KLF12: variants seen among roughly 807,000 people sequenced by gnomAD.
KLF12 encodes KLF transcription factor 12.
In KLF12, 9 loss-of-function variants were observed where a neutral mutation model predicts 37.8. That is an observed-to-expected ratio of 0.24 (90% CI 0.14 to 0.42). The LOEUF (loss-of-function observed/expected upper bound fraction) is 0.42. Among genes scored for constraint, KLF12 ranks in the 10% least tolerant of loss-of-function variants. KLF12 has a pLI of 1.00. For synonymous variants in KLF12, 208 were observed against 202.1 expected (o/e 1.03, Z -0.25); for missense variants, 411 against 516.0 (o/e 0.80, Z 1.97).
chr13:73,748,002 T>C (rs1878488126), intron 6 of KLF12, among the ~76,000 whole-genome samples: 1 of 152,192 alleles, frequency 6.6e-6, no homozygotes, highest in Non-Finnish European at 1.5e-5. Flanking sequence ...TCTAACAAAG[T>C]ACAATGTCCA....
At chr13:74,170,895 G>C in the KLF12 span, among the ~76,000 whole-genome samples, 1 of 152,094 alleles carries the variant, frequency 6.6e-6, no homozygotes, top group Non-Finnish European at 1.5e-5. Flanking sequence ...CTCCCAAATA[G>C]CTGGGATTGC....
the KLF12 span, among the ~76,000 whole-genome samples, chr13:74,201,520 A>G: frequency 1.3e-5 from 2 of 152,176 alleles, no homozygotes; most frequent in African/African-American, 4.8e-5. Flanking sequence ...GCTCTTCCCC[A>G]GGACTCCTGA....
At chr13:74,119,060 C>A (rs1462790191) in intron 1 of KLF12, among the ~76,000 whole-genome samples, 1 of 152,136 alleles carries the variant, frequency 6.6e-6, no homozygotes, top group Non-Finnish European at 1.5e-5. Context: ...GGGCAGGGCA[C>A]AATGGCTCAT....
At chr13:73,823,143 T>C (rs983020772) in intron 4 of KLF12, among the ~76,000 whole-genome samples, 1 of 151,990 alleles carries the variant, frequency 6.6e-6, no homozygotes, top group Non-Finnish European at 1.5e-5. Context: ...CTGTTGCCCC[T>C]ATCTGTGTTT....
At chr13:74,005,398 G>A (rs1434863799) in intron 1 of KLF12, among the ~76,000 whole-genome samples, 1 of 152,110 alleles carries the variant, frequency 6.6e-6, no homozygotes, top group Non-Finnish European at 1.5e-5. Context: ...CTGCCTATCA[G>A]TGAGGATTCA....
At chr13:74,037,198 G>A (rs914027020) in intron 1 of KLF12, among the ~76,000 whole-genome samples, 11 of 129,824 alleles carry the variant, frequency 8.5e-5, no homozygotes, top group Admixed American at 3.3e-4. Flanking sequence ...GCAAGACTCC[G>A]TCTCCAAAAA....
At chr13:74,049,042 G>T (rs1274318164) in intron 1 of KLF12, among the ~76,000 whole-genome samples, 1 of 152,148 alleles carries the variant, frequency 6.6e-6, no homozygotes, top group Admixed American at 6.5e-5. Context: ...CTAAAATGAG[G>T]AAGACTGATT....
the KLF12 span, among the ~76,000 whole-genome samples, chr13:74,172,417 A>G: frequency 6.6e-6 from 1 of 152,026 alleles, no homozygotes; most frequent in Non-Finnish European, 1.5e-5. Flanking sequence ...AAGTTTGGAG[A>G]CTCTTATCAG....
chr13:74,196,796 C>T, the KLF12 span, among the ~76,000 whole-genome samples: 1 of 152,070 alleles, frequency 6.6e-6, no homozygotes, highest in Admixed American at 6.6e-5. Flanking sequence ...TCTTTCTGGA[C>T]TCTGGTGCCC....
At chr13:73,696,318 C>G (rs1593967420) in intron 7 of KLF12, among the ~76,000 whole-genome samples, 1 of 152,054 alleles carries the variant, frequency 6.6e-6, no homozygotes, top group East Asian at 1.9e-4. Flanking sequence ...CAGGGTAAGC[C>G]CTGAGAAATC....
At chr13:74,193,915 T>C in the KLF12 span, among the ~76,000 whole-genome samples, 6 of 152,202 alleles carry the variant, frequency 3.9e-5, no homozygotes, top group African/African-American at 1.4e-4. Context: ...TTTAGCTTGG[T>C]TCCTCTGCCT....
the KLF12 span, among the ~76,000 whole-genome samples, chr13:74,211,179 G>C: frequency 6.6e-6 from 1 of 152,136 alleles, no homozygotes; most frequent in East Asian, 1.9e-4. Flanking sequence ...CTGTGTCTCA[G>C]CTGCTCAATG....
chr13:73,721,668 T>G (rs982346041), intron 6 of KLF12, among the ~76,000 whole-genome samples: 2 of 151,614 alleles, frequency 1.3e-5, no homozygotes, highest in African/African-American at 4.8e-5. Context: ...TCCTTCCGCC[T>G]CAGCCTCCTG....
intron 2 of KLF12, among the ~76,000 whole-genome samples, chr13:73,950,523 G>T (rs369050805): frequency 2.2e-4 from 33 of 152,312 alleles, no homozygotes; most frequent in African/African-American, 7.9e-4. Flanking sequence ...CTTGGGGGTT[G>T]TGAGTTGGCT....
intron 2 of KLF12, among the ~76,000 whole-genome samples, chr13:73,974,458 A>G (rs1891450229): frequency 6.6e-6 from 1 of 152,194 alleles, no homozygotes; most frequent in Admixed American, 6.5e-5. Flanking sequence ...TTCTAAGTGC[A>G]ACTCAAGAAT....
At chr13:73,979,753 A>G (rs1339078201) in intron 2 of KLF12, among the ~76,000 whole-genome samples, 1 of 152,194 alleles carries the variant, frequency 6.6e-6, no homozygotes, top group Non-Finnish European at 1.5e-5. Flanking sequence ...TTATGGGCTG[A>G]ATTTTGTCCC....
chr13:74,149,430 T>C, the KLF12 span, among the ~76,000 whole-genome samples: 1 of 152,214 alleles, frequency 6.6e-6, no homozygotes. Context: ...CTTAAAAAGC[T>C]TAGTATTATC....
At chr13:74,256,065 G>A in the KLF12 span, among the ~76,000 whole-genome samples, 1 of 151,712 alleles carries the variant, frequency 6.6e-6, no homozygotes, top group South Asian at 2.1e-4. Context: ...TGAGGCAGGA[G>A]AATGGCGTGA....
At chr13:73,818,148 T>C (rs1329714153) in intron 4 of KLF12, among the ~76,000 whole-genome samples, 1 of 147,096 alleles carries the variant, frequency 6.8e-6, no homozygotes, top group African/African-American at 2.7e-5. Flanking sequence ...CTTATTTATT[T>C]TTATTTATTT....
Sources: gnomAD v4.1 joint callset for allele counts (sites outside exome capture counted in the v4.1 genomes callset) on GRCh38, gnomAD v4.1.1 for gene constraint, MANE v1.5 for transcripts, NCBI Gene and HGNC (gene_info 2026-07-23, HGNC 2026-07-21) for gene names.